Variants in TNRC18 observed in about 807,000 individuals in gnomAD.
TNRC18 encodes the protein trinucleotide repeat-containing gene 18 protein.
Under a neutral mutation model 226.7 loss-of-function variants are expected in TNRC18, and 69 were observed. The observed-to-expected ratio is 0.30, with a 90% CI of 0.25 to 0.37. TNRC18 has a LOEUF of 0.37. Among genes scored for constraint, TNRC18 ranks in the 10% least tolerant of loss-of-function variants. The pLI is 1.00. For synonymous variants in TNRC18, 2,449 were observed against 1,927.6 expected, an observed-to-expected ratio of 1.27 and a Z score of -7.09; for missense variants, 4,754 against 4,256.6, an observed-to-expected ratio of 1.12 and a Z score of -3.25.
chr7:5,396,160 G>A (rs1278696132), intron 2 of TNRC18, among the ~76,000 whole-genome samples: 2 of 126,780 alleles, frequency 1.6e-5, no homozygotes, highest in Non-Finnish European at 3.2e-5. Context: ...GACAGAGAGA[G>A]ACTCTGTCTC....
chr7:5,374,516 G>A (rs552862450), intron 9 of TNRC18, 32 bp from the exon 10 acceptor site: 38 of 1,528,086 alleles, frequency 2.5e-5, no homozygotes, highest in African/African-American at 2.4e-4. Flanking sequence ...GGGTCAGCAC[G>A]GCACGAGTTT....
chr7:5,362,201 G>C lies in TNRC18; in HGVS notation c.4396-168C>G, dbSNP rs576295947. Among the ~76,000 whole-genome samples, 26 of 152,298 alleles carry C rather than the reference G, an allele frequency of 1.7e-4. No homozygotes were observed. In the East Asian group the frequency reaches 1.9e-3, roughly 11 times the overall value. On this transcript the variant is annotated intron_variant, in intron 12 of 29. Transcript: ENST00000430969. ...GTGGCCATGGCCTCATCGTATGCAA[G>C]GGACCCTGTGCTGGCTCTGCGGGGC...
In TNRC18 at chr7:5,376,199, T is replaced by C. The variant is rs1794657578; in HGVS notation, c.2634A>G (p.Val878=). ...HFAELMERAT[V]PPLWPALYPP... is the part of the protein sequence containing the mutation. ...GGTACAGGGCGGGCCAGAGGGGCGG[T>C]ACGGTGGCCCGCTCCATCAGCTCCG... Residue 878 remains valine (V), a synonymous_variant, in exon 9 of 30, where the codon GTA becomes GTG. Coordinates refer to ENST00000430969, the MANE Select transcript of TNRC18 (RefSeq NM_001080495.3). 3 of 1,522,632 alleles carry C rather than the reference T, an allele frequency of 2.0e-6. No homozygotes were observed. The highest frequency in any genetic ancestry group is 1.4e-5 in the African/African-American group (1 of 72,122). 94.3% of individuals were successfully genotyped at this position (1,522,632 alleles called of 1,614,324 possible). A position where few individuals can be genotyped will look rare whatever the true frequency, so the allele number is the denominator to read the frequency against.
At chr7:5,364,383 AG>A (rs1216159982) in intron 11 of TNRC18, among the ~76,000 whole-genome samples, 1 of 151,868 alleles carries the variant, frequency 6.6e-6, no homozygotes, top group Non-Finnish European at 1.5e-5. Flanking sequence ...ACTTGAACCC[AG>A]GAAGTTGAGA....
chr7:5,320,402 T>C lies in TNRC18; in HGVS notation c.6661A>G (p.Thr2221Ala). The C allele has an allele frequency of 1.9e-6, 3 of 1,562,026 alleles. No individual in the cohort carries two copies. The highest frequency in any genetic ancestry group is 2.6e-6 in the Non-Finnish European group (3 of 1,153,070). The stretch of plus-strand genomic sequence containing the variant: ...CTGGTCCCTTGTGGCAAGAAGCGAG[T>C]GGAGGCTGGCCTCACATCGATGATC... Reference protein sequence around the residue: ...EAIIDVRPASTRFLPQGTRIA... With the variant: ...EAIIDVRPASARFLPQGTRIA... The change falls in exon 24 of 30, where the codon ACT (threonine) becomes GCT (alanine). Residue 2221 changes from threonine (T) to alanine (A), a missense_variant. Thr to Ala is a moderately conservative substitution (Grantham distance 58, BLOSUM62 0). Coordinates refer to ENST00000430969, the MANE Select transcript of TNRC18 (RefSeq NM_001080495.3).
At chr7:5,369,900 G>A (rs1562562735) in intron 11 of TNRC18, among the ~76,000 whole-genome samples, 2 of 152,228 alleles carry the variant, frequency 1.3e-5, no homozygotes, top group Non-Finnish European at 2.9e-5. Flanking sequence ...TCAACAGGAC[G>A]CTTAAAAATG....
chr7:5,423,268 C>A (rs999930818), intron 1 of TNRC18, 173 bp downstream of exon 1: 1 of 152,090 alleles, frequency 6.6e-6, no homozygotes, highest in Non-Finnish European at 1.5e-5. Flanking sequence ...CCACCCCTCC[C>A]GGGGCGCCCC....
At position 5,324,243 on chromosome 7, in the gene TNRC18, C is replaced by T. The variant is rs1788669440; in HGVS notation, c.6413G>A (p.Gly2138Asp). The change falls in exon 21 of 30, where the codon GGC (glycine) becomes GAC (aspartate). Residue 2138 changes from glycine (G) to aspartate (D), a missense_variant. Gly to Asp is a moderately conservative substitution (Grantham distance 94, BLOSUM62 -1). Coordinates refer to ENST00000430969, the MANE Select transcript of TNRC18 (RefSeq NM_001080495.3). This position sits in a 1 kb window ranked among gnomAD's most constrained non-coding sequence, Gnocchi z 4.8. ...SFSEDEHLPR[G>D]GAVERPLTPA... ...GGTCAGCGGCCGCTCCACAGCCCCG[C>T]CACGCGGCAGGTGCTCGTCCTCAGA... The T allele has an allele frequency of 1.2e-6, 2 of 1,610,900 alleles. No individual in the cohort carries two copies. The highest frequency in any genetic ancestry group is 1.1e-5 in the South Asian group (1 of 90,894).
In TNRC18 at chr7:5,420,505, G is replaced by A. The variant is rs543280979; in HGVS notation, c.187+555C>T. The A allele has an allele frequency of 2.2e-3, 976 of 448,720 alleles. 3 individuals are homozygous for A. Among genetic ancestry groups the A allele is most frequent in the Non-Finnish European group, 3.6e-3 (793 of 223,264 alleles). The allele number at this position is 448,720 out of a possible 1,614,324, so 27.8% of individuals were successfully genotyped here. A position where few individuals can be genotyped will look rare whatever the true frequency, so the allele number is the denominator to read the frequency against. ...AAGAAAGGGGCATCCCGCCCGCCCC[G>A]AGGCCAGGGTCCCAAGGCTGGGGTC... On this transcript the variant is annotated intron_variant, in intron 2 of 29. Transcript: ENST00000430969.
At chr7:5,328,809 T>C (rs1789211746) in intron 19 of TNRC18, among the ~76,000 whole-genome samples, 1 of 151,838 alleles carries the variant, frequency 6.6e-6, no homozygotes, top group Non-Finnish European at 1.5e-5. Flanking sequence ...TGCGCCCGGC[T>C]GAGACCACCG....
chr7:5,315,784 C>A (rs531369796), intron 25 of TNRC18, among the ~76,000 whole-genome samples, 172 bp downstream of exon 25: 1 of 152,240 alleles, frequency 6.6e-6, no homozygotes, highest in African/African-American at 2.4e-5. Flanking sequence ...TCCTCATGGA[C>A]CCAGGACCTA....
intron 2 of TNRC18, among the ~76,000 whole-genome samples, chr7:5,419,646 GCC>G (rs1156251767): frequency 6.6e-6 from 1 of 151,944 alleles, no homozygotes; most frequent in African/African-American, 2.4e-5. Flanking sequence ...GGCGGAATAC[GCC>G]CCCAGCTCCG....
At chr7:5,418,890 G>A (rs1782357680) in intron 2 of TNRC18, among the ~76,000 whole-genome samples, 1 of 152,224 alleles carries the variant, frequency 6.6e-6, no homozygotes, top group East Asian at 1.9e-4. Flanking sequence ...GGCTCTGGGC[G>A]TTGGCCTGGG....
At position 5,313,239 on chromosome 7, in the gene TNRC18, T is replaced by A; in HGVS notation, c.7652A>T (p.Gln2551Leu). Residue 2551 changes from glutamine to leucine, a missense_variant, in exon 27 of 30, where the codon CAG becomes CTG. Gln to Leu is a moderately radical substitution (Grantham distance 113). Coordinates refer to ENST00000430969, the MANE Select transcript of TNRC18 (RefSeq NM_001080495.3). ...PKSPDKAQAE[Q>L]DGAEESESSS... ...GCTCTCGGACTCTTCGGCCCCGTCC[T>A]GCTCAGCCTGGGCCTTGTCTGGGCT... 2 of 1,548,972 alleles carry A rather than the reference T, an allele frequency of 1.3e-6. No homozygotes were observed. Among genetic ancestry groups the A allele is most frequent in the Non-Finnish European group, 1.7e-6 (2 of 1,146,684 alleles).
At chr7:5,402,125 G>A (rs958004764) in intron 2 of TNRC18, among the ~76,000 whole-genome samples, 5 of 147,516 alleles carry the variant, frequency 3.4e-5, no homozygotes, top group African/African-American at 1.3e-4. Flanking sequence ...CATGCCGTGA[G>A]CTGAGATCAT....
At chr7:5,419,457 A>T (rs750399551) in intron 2 of TNRC18, among the ~76,000 whole-genome samples, 1 of 152,116 alleles carries the variant, frequency 6.6e-6, no homozygotes, top group Non-Finnish European at 1.5e-5. Flanking sequence ...CCCAAAAGAC[A>T]CACGCATGCA....
chr7:5,357,331 G>C, intron 15 of TNRC18, 55 bp from the exon 16 acceptor site: 1 of 1,526,020 alleles, frequency 6.6e-7, no homozygotes, highest in Non-Finnish European at 8.8e-7. Flanking sequence ...AGTATAGTGG[G>C]TTTCAGTGCA....
chr7:5,374,577 C>A (rs1794466958), intron 9 of TNRC18, 93 bp from the exon 10 acceptor site: 1 of 1,306,894 alleles, frequency 7.7e-7, no homozygotes, highest in Non-Finnish European at 1.0e-6. Context: ...GTCCCCGAGT[C>A]CGAGGAGAAC....
At chr7:5,385,342 G>A (rs1214198181) in intron 5 of TNRC18, among the ~76,000 whole-genome samples, 2 of 151,970 alleles carry the variant, frequency 1.3e-5, no homozygotes, top group Non-Finnish European at 2.9e-5. Context: ...CAAAAAATTA[G>A]CCGGGCGCGG....
Sources: gnomAD v4.1 joint callset for allele counts (sites outside exome capture counted in the v4.1 genomes callset) on GRCh38, gnomAD v4.1.1 for gene constraint, Gnocchi (gnomAD v3.1) non-coding constraint, MANE v1.5 for transcripts, NCBI Gene and HGNC (gene_info 2026-07-23, HGNC 2026-07-21) for gene names.